ODAD2: variants seen among roughly 807,000 people sequenced by gnomAD.
ODAD2 encodes the protein outer dynein arm-docking complex subunit 2.
In ODAD2, 89 loss-of-function variants were observed where a neutral mutation model predicts 106.8. The observed-to-expected ratio is 0.83, with a 90% confidence interval of 0.70 to 0.99. The LOEUF (loss-of-function observed/expected upper bound fraction) is 0.99, where lower values mean the gene tolerates loss of function less well. Among genes scored for constraint, ODAD2 ranks in the 50% least tolerant of loss-of-function variants. The pLI is 0.00. For missense variants in ODAD2, 1,168 were observed against 1,238.5 expected (o/e 0.94, Z 0.85); for synonymous variants, 404 against 436.2 (o/e 0.93, Z 0.92).
rs1564519757 is a variant in ODAD2 at position 27,934,891 on chromosome 10, C to T, written c.2495+119G>A. The T allele has an allele frequency of 8.0e-6, 10 of 1,253,024 alleles. No homozygotes were observed. In the East Asian group the frequency reaches 2.1e-4, roughly 26 times the overall value. The allele number at this position is 1,253,024 out of a possible 1,614,324, so 77.6% of individuals were successfully genotyped here. A position where few individuals can be genotyped will look rare whatever the true frequency, so the allele number is the denominator to read the frequency against. On this transcript the variant is annotated intron_variant, in intron 16 of 19. Coordinates refer to ENST00000305242, the MANE Select transcript of ODAD2 (RefSeq NM_018076.5). ...GGTAAACTTGTGATTATTTATATGACACACTGTATTTTTTCATCATTCGTG... is the reference window on the plus strand; with the variant it reads ...GGTAAACTTGTGATTATTTATATGATACACTGTATTTTTTCATCATTCGTG...
Position 27,820,777 on chromosome 10 carries a change from C to CTTTTTTTTTTTTTTTTTT in ODAD2, c.3022-8170_3022-8153dup, listed in dbSNP as rs72095120. Among the ~76,000 whole-genome samples, 76 of 105,540 alleles carry CTTTTTTTTTTTTTTTTTT rather than the reference C, an allele frequency of 7.2e-4. 2 individuals are homozygous for CTTTTTTTTTTTTTTTTTT. The highest frequency in any genetic ancestry group is 3.0e-3 in the African/African-American group (76 of 25,714). 69.2% of individuals were successfully genotyped at this position (105,540 alleles called of 152,430 possible). On this transcript the variant is annotated intron_variant, in intron 19 of 19. Transcript: ENST00000305242. Reference sequence around the variant, plus strand: ...CAATTAAACCAATGAAGCCCAGCAACTTTTTTTTTTTTTTTTTTTTTTTTG... The same window carrying CTTTTTTTTTTTTTTTTTT: ...CAATTAAACCAATGAAGCCCAGCAACTTTTTTTTTTTTTTTTTTTTTTTTTTTTTTTTTTTTTTTTTTG...
chr10:27,871,352 T>C lies in ODAD2; in HGVS notation c.2611-8730A>G, dbSNP rs147760622. Among the ~76,000 whole-genome samples the C allele has an allele frequency of 6.6e-4, 100 of 152,328 alleles. 2 individuals are homozygous for C. In the East Asian group the frequency reaches 0.019, roughly 29 times the overall value. ...TTTCTTTTGCCGTGCAGAAGCTCTT[T>C]AGTTTAATTAGATCCCATTTGTCAA... On this transcript the variant is annotated intron_variant, in intron 17 of 19. Transcript: ENST00000305242.
intron 19 of ODAD2, among the ~76,000 whole-genome samples, chr10:27,832,344 C>T (rs1183782833): frequency 6.6e-6 from 1 of 152,136 alleles, no homozygotes; most frequent in East Asian, 1.9e-4. Flanking sequence ...ATCACGCATG[C>T]CCTCTTTCAA....
chr10:27,849,385 C>T (rs1230265293), intron 19 of ODAD2, among the ~76,000 whole-genome samples: 2 of 148,586 alleles, frequency 1.3e-5, no homozygotes, highest in South Asian at 2.2e-4. Flanking sequence ...GGGAACATCA[C>T]ATACCGGGGC....
chr10:27,905,526 C>T (rs889389889), intron 17 of ODAD2, among the ~76,000 whole-genome samples: 1 of 152,158 alleles, frequency 6.6e-6, no homozygotes, highest in African/African-American at 2.4e-5. Flanking sequence ...CTTTAAATTT[C>T]ATATGGAACC....
chr10:27,862,551 GT>G lies in ODAD2; in HGVS notation c.2681del (p.Asn894ThrfsTer15). ...ELIVNLLKSD[N>X]KEVLASVCAA... ...CACATACACTTGCCAGAACTTCTTT[GT>G]TATCTGATTTCAGTAAATTGACAAT... is the stretch of plus-strand genomic sequence containing the variant. On this transcript the variant is annotated frameshift_variant, in exon 18 of 20. Coordinates refer to ENST00000305242, the MANE Select transcript of ODAD2 (RefSeq NM_018076.5). LOFTEE classifies it high-confidence loss of function. 6.2e-7 allele frequency: 1 copy of G among 1,610,428 alleles called. No individual in the cohort carries two copies. Among genetic ancestry groups the G allele is most frequent in the Non-Finnish European group, 8.5e-7 (1 of 1,178,382 alleles).
At chr10:27,925,830 G>C (rs1040067718) in intron 16 of ODAD2, among the ~76,000 whole-genome samples, 5 of 151,890 alleles carry the variant, frequency 3.3e-5, no homozygotes, top group African/African-American at 1.2e-4. Context: ...AAGGTACTAG[G>C]GAATTAGCTA....
intron 19 of ODAD2, among the ~76,000 whole-genome samples, chr10:27,840,891 G>C (rs1838259215): frequency 6.6e-6 from 1 of 152,152 alleles, no homozygotes; most frequent in African/African-American, 2.4e-5. Context: ...TAGGACTTTG[G>C]ATGCATCAGA....
chr10:27,922,135 C>T (rs532406559), intron 16 of ODAD2, among the ~76,000 whole-genome samples: 40 of 119,350 alleles, frequency 3.4e-4, no homozygotes, highest in Non-Finnish European at 6.1e-4. Flanking sequence ...ACCTGGGTGA[C>T]AGAGTGAAAC....
At chr10:27,844,384 C>T (rs1287097862) in intron 19 of ODAD2, among the ~76,000 whole-genome samples, 1 of 152,164 alleles carries the variant, frequency 6.6e-6, no homozygotes, top group African/African-American at 2.4e-5. Flanking sequence ...AAACTCTCTG[C>T]CAAGTCCCCT....
chr10:27,871,759 C>G (rs1472832301), intron 17 of ODAD2, among the ~76,000 whole-genome samples: 2 of 152,086 alleles, frequency 1.3e-5, no homozygotes, highest in Admixed American at 1.3e-4. Context: ...GTTACTGTAG[C>G]CTTGTAGTAT....
Position 27,934,498 on chromosome 10 carries a change from T to C in ODAD2, c.2495+512A>G, listed in dbSNP as rs190996319. ...ATGGATATATCTCTCTATATGTATATTGTATCTTTTTGTTCTATTGTTCTT... is the reference window on the plus strand; with the variant it reads ...ATGGATATATCTCTCTATATGTATACTGTATCTTTTTGTTCTATTGTTCTT... On this transcript the variant is annotated intron_variant, in intron 16 of 19. Transcript: ENST00000305242. 2.0e-4 allele frequency among the ~76,000 whole-genome samples: 31 copies of C among 151,360 alleles called. No individual in the cohort carries two copies. In the South Asian group the frequency reaches 2.7e-3, roughly 13 times the overall value.
chr10:27,923,316 A>C lies in ODAD2; in HGVS notation c.2495+11694T>G, dbSNP rs530557173. ...AAAAAGTGTAGATCAAGATATATCA[A>C]GCAAATGGAAACAGTAAGAAAGCAG... On this transcript the variant is annotated intron_variant, in intron 16 of 19. Transcript: ENST00000305242. 8.4e-5 allele frequency among the ~76,000 whole-genome samples: 12 copies of C among 142,910 alleles called. 1 individual carries two copies. The East Asian group carries it at 2.3e-3, about 27-fold the overall frequency. The allele number at this position is 142,910 out of a possible 152,430, so 93.8% of individuals were successfully genotyped here.
intron 19 of ODAD2, among the ~76,000 whole-genome samples, chr10:27,842,463 T>C (rs966890954): frequency 6.6e-6 from 1 of 152,246 alleles, no homozygotes; most frequent in African/African-American, 2.4e-5. Context: ...TAGCAATACA[T>C]ATTTTCCTCT....
rs184897637 is a variant in ODAD2 at position 27,998,515 on chromosome 10, A to G, written c.-39+479T>C. On this transcript the variant is annotated intron_variant, in intron 1 of 19. Coordinates refer to ENST00000305242, the MANE Select transcript of ODAD2 (RefSeq NM_018076.5). ...GGCAGGGAAGCGGCGGGAGAAGTGGAGAGCGGATCCGGGAGGTGATGGGGC... is the reference window on the plus strand; with the variant it reads ...GGCAGGGAAGCGGCGGGAGAAGTGGGGAGCGGATCCGGGAGGTGATGGGGC... 3.4e-3 allele frequency among the ~76,000 whole-genome samples: 512 copies of G among 151,990 alleles called. 5 individuals are homozygous for G. The highest frequency in any genetic ancestry group is 0.012 in the African/African-American group (494 of 41,454).
chr10:27,943,530 T>A (rs139019850), intron 12 of ODAD2, among the ~76,000 whole-genome samples: 390 of 152,184 alleles, frequency 2.6e-3, no homozygotes, highest in African/African-American at 8.9e-3. Flanking sequence ...CTCACACCTG[T>A]AATCCCAGCA....
At chr10:27,861,309 G>A (rs140657175) in intron 18 of ODAD2, among the ~76,000 whole-genome samples, 3 of 152,068 alleles carry the variant, frequency 2.0e-5, no homozygotes, top group African/African-American at 7.2e-5. Context: ...CTAGACTTTT[G>A]GTGGGTCACC....
At chr10:27,859,988 T>C (rs1839925237) in intron 19 of ODAD2, among the ~76,000 whole-genome samples, 1 of 152,236 alleles carries the variant, frequency 6.6e-6, no homozygotes, top group Admixed American at 6.5e-5. Flanking sequence ...TATTTATGTG[T>C]TAAGTAAACA....
intron 16 of ODAD2, among the ~76,000 whole-genome samples, chr10:27,926,492 C>G (rs1845270624): frequency 1.3e-5 from 2 of 151,726 alleles, no homozygotes; most frequent in African/African-American, 4.8e-5. Flanking sequence ...ATGAAGAAAC[C>G]TTTAAAACAC....
Sources: gnomAD v4.1 joint callset for allele counts (sites outside exome capture counted in the v4.1 genomes callset) on GRCh38, gnomAD v4.1.1 for gene constraint, MANE v1.5 for transcripts, NCBI Gene and HGNC (gene_info 2026-07-23, HGNC 2026-07-21) for gene names.